Variants in PRH1 observed in about 807,000 individuals in gnomAD.
The protein encoded by PRH1 is proline rich protein HaeIII subfamily 1.
In PRH1, 7 loss-of-function variants were observed where a neutral mutation model predicts 7.9. The observed-to-expected ratio is 0.89, with a 90% CI of 0.50 to 1.67. The LOEUF (loss-of-function observed/expected upper bound fraction) is 1.67. PRH1 is among the 40% of genes most tolerant of loss of function. The probability of loss-of-function intolerance (pLI) is 0.00; values close to 1 mark genes in which losing one functional copy is unlikely to be tolerated. For synonymous variants in PRH1, 45 were observed against 80.8 expected, an observed-to-expected ratio of 0.56 and a Z score of 2.38; for missense variants, 109 against 223.6, an observed-to-expected ratio of 0.49 and a Z score of 3.27.
chr12:11,144,453 A>C (rs1946805104), intron 1 of PRH1, among the ~76,000 whole-genome samples: 1 of 152,140 alleles, frequency 6.6e-6, no homozygotes, highest in African/African-American at 2.4e-5. Flanking sequence ...CTCCCAGCCG[A>C]CAGCACCGAT....
At chr12:10,976,685 A>G (rs995235340) in intron 1 of PRH1, among the ~76,000 whole-genome samples, 2 of 152,088 alleles carry the variant, frequency 1.3e-5, no homozygotes, top group Non-Finnish European at 2.9e-5. Context: ...ATGATAAAGA[A>G]AAAAGAGAGA....
intron 2 of PRH1, among the ~76,000 whole-genome samples, chr12:10,936,460 G>A (rs1295237372): frequency 6.6e-6 from 1 of 152,024 alleles, no homozygotes; most frequent in African/African-American, 2.4e-5. Context: ...TTTCATGAGT[G>A]TCTCACCATG....
intron 2 of PRH1, chr12:10,909,427 T>C (rs1949862441): frequency 1.1e-5 from 7 of 656,450 alleles, no homozygotes; most frequent in Non-Finnish European, 1.6e-5. Context: ...TCTTTCATTG[T>C]TGGCTCAACG....
exon 2 of PRH1, chr12:11,120,836 ACAGCT>A: frequency 6.5e-6 from 1 of 152,740 alleles, no homozygotes; most frequent in East Asian, 1.9e-4. Flanking sequence ...CATTAGTTTT[ACAGCT>A]TAGTCCACAG....
chr12:10,991,683 C>CAA (rs35543791), intron 1 of PRH1, among the ~76,000 whole-genome samples: 15 of 151,816 alleles, frequency 9.9e-5, no homozygotes, highest in African/African-American at 3.4e-4. Flanking sequence ...ATGAGATCAC[C>CAA]AAAAAAACCA....
chr12:11,135,173 C>T (rs189047676), intron 1 of PRH1, among the ~76,000 whole-genome samples: 12 of 152,136 alleles, frequency 7.9e-5, no homozygotes, highest in Admixed American at 3.9e-4. Flanking sequence ...TTCCTGAGTA[C>T]CAGACCCTTT....
At chr12:11,038,429 G>C (rs1942544845) in intron 1 of PRH1, among the ~76,000 whole-genome samples, 1 of 152,214 alleles carries the variant, frequency 6.6e-6, no homozygotes, top group African/African-American at 2.4e-5. Flanking sequence ...TTTCACTACA[G>C]AGTTTTATCA....
At chr12:11,082,903 A>T (rs146767705) in intron 1 of PRH1, among the ~76,000 whole-genome samples, 2,976 of 113,056 alleles carry the variant, frequency 0.026, 880 homozygotes, top group South Asian at 0.041. Context: ...CAACTGCTTA[A>T]TTTCATTCTC....
chr12:11,149,627 T>A (rs1946996204), intron 1 of PRH1, among the ~76,000 whole-genome samples: 1 of 145,296 alleles, frequency 6.9e-6, no homozygotes, highest in East Asian at 2.0e-4. Flanking sequence ...TGTAGAAAGC[T>A]GAAACTGGAT....
intron 1 of PRH1, among the ~76,000 whole-genome samples, chr12:11,032,510 T>G (rs1480229668): frequency 2.6e-5 from 4 of 152,218 alleles, no homozygotes; most frequent in African/African-American, 9.6e-5. Flanking sequence ...AATATACACA[T>G]GTGCACACCA....
At chr12:11,016,564 C>A (rs1438638699) in intron 1 of PRH1, among the ~76,000 whole-genome samples, 1 of 151,674 alleles carries the variant, frequency 6.6e-6, no homozygotes, top group Non-Finnish European at 1.5e-5. Flanking sequence ...TGGTCTGCAA[C>A]TCTGGGCCTC....
At chr12:10,972,477 T>C (rs1170915927) in intron 2 of PRH1, among the ~76,000 whole-genome samples, 4 of 152,226 alleles carry the variant, frequency 2.6e-5, no homozygotes, top group Non-Finnish European at 5.9e-5. Context: ...CTACTATTCA[T>C]ACACTGTTCT....
rs1034302248 is a variant in PRH1 at position 10,930,404 on chromosome 12, T to G, written c.-59+43251A>C. ...CTTATCATCCTTGTCAGGAATTGGCTAATATCAGTGCCCCAGAGATATAAA... is the reference window on the plus strand; with the variant it reads ...CTTATCATCCTTGTCAGGAATTGGCGAATATCAGTGCCCCAGAGATATAAA... On this transcript the variant is annotated intron_variant, in intron 2 of 3. Coordinates refer to the PRH1 transcript ENST00000539853. The G allele has an allele frequency of 2.6e-6, 4 of 1,513,370 alleles. No homozygotes were observed. The African/African-American group carries it at 5.5e-5, about 21-fold the overall frequency. 93.7% of individuals were successfully genotyped at this position (1,513,370 alleles called of 1,614,324 possible). A position where few individuals can be genotyped will look rare whatever the true frequency, so the allele number is the denominator to read the frequency against.
intron 1 of PRH1, among the ~76,000 whole-genome samples, chr12:11,005,488 A>G (rs375681272): frequency 6.6e-6 from 1 of 152,160 alleles, no homozygotes; most frequent in African/African-American, 2.4e-5. Flanking sequence ...TAAATGTCAG[A>G]TTTATGTAAA....
At chr12:10,926,819 G>T (rs1042714709) in intron 2 of PRH1, among the ~76,000 whole-genome samples, 28 of 152,154 alleles carry the variant, frequency 1.8e-4, no homozygotes, top group Non-Finnish European at 2.9e-4. Context: ...GAAAAAGTTG[G>T]GATGTGTTAT....
chr12:10,936,616 G>A (rs1950293021), intron 2 of PRH1, among the ~76,000 whole-genome samples: 1 of 152,090 alleles, frequency 6.6e-6, no homozygotes, highest in South Asian at 2.1e-4. Flanking sequence ...AGGCAACCAT[G>A]GATCTGCTTT....
chr12:10,884,099 C>A (rs1364523637), intron 1 of PRH1, 55 bp downstream of exon 1: 1 of 1,607,618 alleles, frequency 6.2e-7, no homozygotes, highest in African/African-American at 1.3e-5. Flanking sequence ...TCCTCTATAG[C>A]ATTTGCCTGT....
rs181624569 is a variant in PRH1 at position 11,100,682 on chromosome 12, T to C, written n.124-53494A>G. ...AAATGACGGCATTCTCAGCAAACTA[T>C]CACAAATGCTTTTTCTCATTCTTAG... On this transcript the variant is annotated intron_variant and non_coding_transcript_variant, in intron 1 of 4. Transcript: ENST00000541977. 5.9e-5 allele frequency among the ~76,000 whole-genome samples: 9 copies of C among 152,324 alleles called. No individual in the cohort carries two copies. The East Asian group carries it at 1.3e-3, about 23-fold the overall frequency.
chr12:10,988,101 T>C (rs1194967899), intron 1 of PRH1, among the ~76,000 whole-genome samples: 3 of 152,132 alleles, frequency 2.0e-5, no homozygotes, highest in Non-Finnish European at 4.4e-5. Context: ...CCATCCTAAA[T>C]TGGCCAAAGT....
Sources: allele counts gnomAD v4.1 joint callset (sites outside exome capture counted in the v4.1 genomes callset), GRCh38; gene constraint gnomAD v4.1.1; transcripts MANE v1.5; gene names NCBI Gene and HGNC (gene_info 2026-07-23, HGNC 2026-07-21).